Variants in NTM observed in about 807,000 individuals in gnomAD.
NTM encodes the protein neurotrimin.
In NTM, 13 loss-of-function variants were observed where a neutral mutation model predicts 42.1. That is an observed-to-expected ratio of 0.31 (90% CI 0.20 to 0.49). The LOEUF is 0.49. Ranked by LOEUF, NTM falls within the 20% of genes least tolerant of loss-of-function variation. The pLI is 0.99. For missense variants in NTM, 373 were observed against 452.8 expected (o/e 0.82, Z 1.60); for synonymous variants, 187 against 179.2 (o/e 1.04, Z -0.35).
At chr11:131,555,407 T>A (rs1333674106) in intron 1 of NTM, among the ~76,000 whole-genome samples, 1 of 152,100 alleles carries the variant, frequency 6.6e-6, no homozygotes, top group East Asian at 1.9e-4. Flanking sequence ...TTGAGGGCAG[T>A]CTTTCAAAGG....
In NTM at chr11:131,709,437, G is replaced by C. The variant is rs141204300; in HGVS notation, c.83-202127G>C. Among the ~76,000 whole-genome samples, 1,097 of 152,324 alleles carry C rather than the reference G, an allele frequency of 7.2e-3. 11 individuals carry two copies. Among genetic ancestry groups the C allele is most frequent in the African/African-American group, 0.025 (1,042 of 41,564 alleles). ...GAAATAAATGACAGTGGAAGCAGTA[G>C]AGGTGACAAGACAGGATTAGTTTGA... On this transcript the variant is annotated intron_variant, in intron 1 of 8. Coordinates refer to ENST00000683400, the MANE Select transcript of NTM (RefSeq NM_001352005.2).
intron 3 of NTM, among the ~76,000 whole-genome samples, chr11:132,165,211 C>T (rs1323471573): frequency 1.3e-5 from 2 of 152,138 alleles, no homozygotes; most frequent in Non-Finnish European, 2.9e-5. Context: ...TCATCTTGCC[C>T]CACCTCCCTT....
intron 1 of NTM, among the ~76,000 whole-genome samples, chr11:131,804,796 T>C (rs2092387660): frequency 6.6e-6 from 1 of 152,140 alleles, no homozygotes; most frequent in Admixed American, 6.6e-5. Context: ...GGGGACCTTT[T>C]GGGAAGTGAT....
intron 1 of NTM, among the ~76,000 whole-genome samples, chr11:131,374,339 A>G (rs1941664931): frequency 6.6e-6 from 1 of 152,216 alleles, no homozygotes. Flanking sequence ...GCGTGCCTGG[A>G]GAGTGTCTGC....
At chr11:132,295,503 CAAAT>C (rs1169069769) in intron 4 of NTM, among the ~76,000 whole-genome samples, 1 of 152,060 alleles carries the variant, frequency 6.6e-6, no homozygotes, top group Non-Finnish European at 1.5e-5. Flanking sequence ...GCTAGAGAAA[CAAAT>C]AAACAATAAT....
intron 1 of NTM, among the ~76,000 whole-genome samples, chr11:131,429,067 G>T (rs1212783360): frequency 6.6e-6 from 1 of 151,780 alleles, no homozygotes; most frequent in Non-Finnish European, 1.5e-5. Flanking sequence ...AATAAATAAA[G>T]AAATTCTGCT....
At chr11:131,464,205 T>A (rs1234109469) in intron 1 of NTM, among the ~76,000 whole-genome samples, 1 of 151,828 alleles carries the variant, frequency 6.6e-6, no homozygotes, top group African/African-American at 2.4e-5. Context: ...GCAAAGCAAG[T>A]CCCTGGAGAC....
chr11:131,645,381 C>T (rs568492588), intron 1 of NTM, among the ~76,000 whole-genome samples: 1 of 152,274 alleles, frequency 6.6e-6, no homozygotes, highest in African/African-American at 2.4e-5. Context: ...GAGTCAGACA[C>T]CAGTGGCTGG....
intron 3 of NTM, among the ~76,000 whole-genome samples, chr11:132,207,670 C>G (rs114772208): frequency 6.6e-6 from 1 of 152,122 alleles, no homozygotes; most frequent in African/African-American, 2.4e-5. Flanking sequence ...CTTCCATTAA[C>G]AGTTGTGCCT....
chr11:131,954,287 C>T (rs1347690740), intron 2 of NTM, among the ~76,000 whole-genome samples: 1 of 152,202 alleles, frequency 6.6e-6, no homozygotes, highest in Non-Finnish European at 1.5e-5. Flanking sequence ...CGGGGAGAGG[C>T]AGGGCTAGCC....
intron 1 of NTM, among the ~76,000 whole-genome samples, chr11:131,469,803 A>G (rs1952256276): frequency 1.3e-5 from 2 of 152,246 alleles, no homozygotes; most frequent in Non-Finnish European, 2.9e-5. Flanking sequence ...CTACATGTAG[A>G]ATAATGAGAG....
chr11:132,151,171 G>C (rs10791214), intron 3 of NTM, among the ~76,000 whole-genome samples: 28,760 of 152,094 alleles, frequency 0.19, 2,941 homozygotes, highest in South Asian at 0.25. Flanking sequence ...CGAGCATATT[G>C]TACATCTGAA....
At chr11:131,775,678 C>T (rs1311304651) in intron 1 of NTM, among the ~76,000 whole-genome samples, 1 of 152,040 alleles carries the variant, frequency 6.6e-6, no homozygotes, top group African/African-American at 2.4e-5. Context: ...TATGGTATAT[C>T]CTGTAGCTCT....
intron 1 of NTM, among the ~76,000 whole-genome samples, chr11:131,596,802 A>G (rs747941317): frequency 2.0e-5 from 3 of 152,240 alleles, no homozygotes; most frequent in Non-Finnish European, 4.4e-5. Flanking sequence ...GAGGGACAGA[A>G]CTAATGGAAT....
intron 1 of NTM, among the ~76,000 whole-genome samples, chr11:131,790,173 A>T (rs1257733896): frequency 6.6e-6 from 1 of 152,158 alleles, no homozygotes; most frequent in Non-Finnish European, 1.5e-5. Context: ...AAATTATTTC[A>T]TATGGAGAAA....
intron 2 of NTM, among the ~76,000 whole-genome samples, chr11:131,990,769 C>G (rs1413983150): frequency 1.3e-5 from 2 of 152,152 alleles, no homozygotes; most frequent in Non-Finnish European, 2.9e-5. Context: ...CCTAATGTAG[C>G]ATGGAGGATT....
chr11:131,766,637 G>A (rs995221736), intron 1 of NTM, among the ~76,000 whole-genome samples: 7 of 152,136 alleles, frequency 4.6e-5, no homozygotes, highest in Non-Finnish European at 7.3e-5. Context: ...CTCAGACAGA[G>A]CAGCCTCCAT....
chr11:131,765,103 A>G (rs892652746), intron 1 of NTM, among the ~76,000 whole-genome samples: 1 of 152,132 alleles, frequency 6.6e-6, no homozygotes, highest in African/African-American at 2.4e-5. Flanking sequence ...AAAGCCACTT[A>G]AAGAATGCTC....
At chr11:132,047,593 AG>A (rs777370290) in intron 2 of NTM, among the ~76,000 whole-genome samples, 4 of 152,248 alleles carry the variant, frequency 2.6e-5, no homozygotes, top group East Asian at 3.8e-4. Context: ...GGAGTCAGCT[AG>A]AGCCTGGTCA....
Sources: allele counts gnomAD v4.1 joint callset (sites outside exome capture counted in the v4.1 genomes callset), GRCh38; gene constraint gnomAD v4.1.1; transcripts MANE v1.5; gene names NCBI Gene and HGNC (gene_info 2026-07-23, HGNC 2026-07-21).